Variants in SHPRH observed in about 807,000 individuals in gnomAD.
SHPRH encodes the protein SNF2 histone linker PHD RING helicase, also known as E3 ubiquitin-protein ligase SHPRH.
SHPRH carries 106 observed loss-of-function variants against 202.5 expected under a neutral mutation model. The ratio of observed to expected loss-of-function variants is 0.52; its 90% CI spans 0.45 to 0.62. SHPRH has a LOEUF of 0.62. SHPRH is among the 20% of genes least tolerant of loss of function. The pLI is 0.00. For missense variants in SHPRH, 1,710 were observed against 2,020.0 expected (o/e 0.85, Z 2.94); for synonymous variants, 729 against 686.0 (o/e 1.06, Z -0.98).
chr6:145,892,237 A>G (rs1047796607), intron 28 of SHPRH, among the ~76,000 whole-genome samples: 3 of 152,142 alleles, frequency 2.0e-5, no homozygotes, highest in African/African-American at 7.2e-5. Flanking sequence ...TTTTGCATAT[A>G]TAACTCTCTT....
chr6:145,955,872 C>T (rs913659528), intron 1 of SHPRH, among the ~76,000 whole-genome samples: 1 of 151,808 alleles, frequency 6.6e-6, no homozygotes, highest in African/African-American at 2.4e-5. Flanking sequence ...TTAGCAGAAA[C>T]AAACATTCAA....
chr6:145,934,226 C>T (rs763808421), intron 13 of SHPRH, among the ~76,000 whole-genome samples: 4 of 151,714 alleles, frequency 2.6e-5, no homozygotes, highest in East Asian at 1.9e-4. Flanking sequence ...AATCCCAGCA[C>T]GAGGCTGAGA....
At chr6:145,911,958 A>C (rs187714921) in intron 24 of SHPRH, among the ~76,000 whole-genome samples, 1 of 152,180 alleles carries the variant, frequency 6.6e-6, no homozygotes, top group African/African-American at 2.4e-5. Flanking sequence ...ACAGAGCAGC[A>C]CTATATTGTA....
At chr6:145,928,437 T>A (rs1335453843) in intron 14 of SHPRH, among the ~76,000 whole-genome samples, 4 of 151,926 alleles carry the variant, frequency 2.6e-5, no homozygotes, top group Non-Finnish European at 5.9e-5. Flanking sequence ...GAGAAAGTTT[T>A]TTTCCTAAGT....
chr6:145,897,578 T>C (rs371638996), intron 25 of SHPRH, among the ~76,000 whole-genome samples: 4 of 152,080 alleles, frequency 2.6e-5, no homozygotes, highest in South Asian at 2.1e-4. Context: ...AAGAACACTA[T>C]AAGAAAACAA....
Position 145,924,754 on chromosome 6 carries a change from A to G in SHPRH, c.3387T>C (p.His1129=). 1 of 1,611,646 alleles carries G rather than the reference A, an allele frequency of 6.2e-7. No individual in the cohort carries two copies. ...QALYPVQQTI[H]ELQRKIHSNS... is the part of the protein sequence containing the mutation. The stretch of plus-strand genomic sequence containing the variant: ...TTTGGCATACCTTTCTTTGAAGCTC[A>G]TGGATGGTCTGCTGCACAGGATATA... The change falls in exon 17 of 30, where the codon CAT becomes CAC. Residue 1129 remains histidine (H), a synonymous_variant. Coordinates refer to ENST00000275233, the MANE Select transcript of SHPRH (RefSeq NM_001042683.3).
chr6:145,921,260 T>C lies in SHPRH; in HGVS notation c.3915A>G (p.Leu1305=). Reference sequence around the variant, plus strand: ...CAAACCTATGTGATTTTGCAAATGATAGTATTGCTTTCATAGATCGCTCTG... The same window carrying C: ...CAAACCTATGTGATTTTGCAAATGACAGTATTGCTTTCATAGATCGCTCTG... ...SETERSMKAI[L]SFAKSHRFDV... Residue 1305 remains leucine, a synonymous_variant, in exon 21 of 30, where the codon CTA becomes CTG. Transcript: ENST00000275233. The C allele has an allele frequency of 1.9e-6, 3 of 1,612,922 alleles. No homozygotes were observed. The highest frequency in any genetic ancestry group is 1.7e-6 in the Non-Finnish European group (2 of 1,179,334).
rs1272310881 is a variant in SHPRH at position 145,963,926 on chromosome 6, C to G, written c.-228G>C. ...CAGTGCATGAGGAGAAGCACAGCCT[C>G]CTTTCCCACGACCCCACTTTATCCC... is the stretch of plus-strand genomic sequence containing the variant. On this transcript the variant is annotated 5_prime_UTR_variant, in exon 1 of 30. Transcript: ENST00000275233. The G allele has an allele frequency of 6.6e-6, 1 of 152,324 alleles. No homozygotes were observed. Among genetic ancestry groups the G allele is most frequent in the African/African-American group, 2.4e-5 (1 of 41,456 alleles). The allele number at this position is 152,324 out of a possible 1,614,324, so 9.4% of individuals were successfully genotyped here.
intron 2 of SHPRH, among the ~76,000 whole-genome samples, chr6:145,952,765 C>A (rs910471924): frequency 1.3e-5 from 2 of 152,014 alleles, no homozygotes; most frequent in Non-Finnish European, 2.9e-5. Flanking sequence ...TTCTATCTAC[C>A]AATGCAATGA....
intron 2 of SHPRH, chr6:145,877,494 G>A (rs1049088826): frequency 1.3e-5 from 2 of 152,136 alleles, no homozygotes; most frequent in African/African-American, 2.4e-5. Context: ...ACTCTGGCGT[G>A]ACATTATGAG....
rs549683486 is a variant in SHPRH at position 145,952,785 on chromosome 6, C to G, written c.634-307G>C. On this transcript the variant is annotated intron_variant, in intron 2 of 29. Coordinates refer to ENST00000275233, the MANE Select transcript of SHPRH (RefSeq NM_001042683.3). ...TCTACCAATGCAATGATTCCCAAAA[C>G]TGATGAATTAATCAGTCAAGTTTGT... 2.6e-5 allele frequency among the ~76,000 whole-genome samples: 4 copies of G among 152,144 alleles called. No individual in the cohort carries two copies. In the East Asian group the frequency reaches 5.8e-4, roughly 22 times the overall value.
chr6:145,953,174 C>T (rs117428814), intron 2 of SHPRH, among the ~76,000 whole-genome samples: 132 of 152,138 alleles, frequency 8.7e-4, no homozygotes, highest in Non-Finnish European at 1.7e-3. Context: ...TTCATGTTGA[C>T]TATGTTGTAC....
intron 4 of SHPRH, among the ~76,000 whole-genome samples, chr6:145,949,207 G>T (rs1419390829): frequency 6.6e-6 from 1 of 151,938 alleles, no homozygotes; most frequent in Non-Finnish European, 1.5e-5. Context: ...GAACACTACT[G>T]GGTATCTACC....
At chr6:145,889,268 C>A (rs919671204) in intron 28 of SHPRH, among the ~76,000 whole-genome samples, 8 of 152,042 alleles carry the variant, frequency 5.3e-5, no homozygotes, top group Non-Finnish European at 1.2e-4. Flanking sequence ...AGAAGTAGGT[C>A]ACTAGAAATG....
intron 14 of SHPRH, among the ~76,000 whole-genome samples, chr6:145,931,491 T>A (rs1406109658): frequency 6.6e-6 from 1 of 152,142 alleles, no homozygotes; most frequent in Non-Finnish European, 1.5e-5. Context: ...TAGCTGGGAC[T>A]ACAGGCGCAT....
chr6:145,873,121 G>A (rs1222245317), intron 2 of SHPRH, among the ~76,000 whole-genome samples: 1 of 152,066 alleles, frequency 6.6e-6, no homozygotes, highest in African/African-American at 2.4e-5. Flanking sequence ...AAACCACCAT[G>A]GCACACATTT....
chr6:145,944,884 C>A (rs1367900216), intron 8 of SHPRH, among the ~76,000 whole-genome samples: 1 of 151,774 alleles, frequency 6.6e-6, no homozygotes, highest in Non-Finnish European at 1.5e-5. Context: ...ATAGTGAGAA[C>A]CCCGTCTCTA....
intron 28 of SHPRH, among the ~76,000 whole-genome samples, chr6:145,890,751 C>T (rs1411321672): frequency 6.6e-6 from 1 of 152,144 alleles, no homozygotes; most frequent in Non-Finnish European, 1.5e-5. Flanking sequence ...TCTTCCCTTA[C>T]CAAATCTGCT....
chr6:145,878,118 G>A (rs1252032122), intron 2 of SHPRH: 2 of 152,156 alleles, frequency 1.3e-5, no homozygotes, highest in Non-Finnish European at 2.9e-5. Flanking sequence ...GTCATGTGGT[G>A]TAAAGTGATA....
Sources: allele counts gnomAD v4.1 joint callset (sites outside exome capture counted in the v4.1 genomes callset), GRCh38; gene constraint gnomAD v4.1.1; transcripts MANE v1.5; gene names NCBI Gene and HGNC (gene_info 2026-07-23, HGNC 2026-07-21).